Variants in SLC9A3 observed in about 807,000 individuals in gnomAD.
SLC9A3 encodes sodium/hydrogen exchanger 3.
Under a neutral mutation model 86.8 loss-of-function variants are expected in SLC9A3, and 37 were observed. The observed-to-expected ratio is 0.43, with a 90% confidence interval of 0.33 to 0.56. The LOEUF (loss-of-function observed/expected upper bound fraction) is 0.56. Among genes scored for constraint, SLC9A3 ranks in the 20% least tolerant of loss-of-function variants. The probability of loss-of-function intolerance (pLI) is 0.06; values close to 1 mark genes in which losing one functional copy is unlikely to be tolerated. For synonymous variants in SLC9A3, 581 were observed against 528.3 expected (o/e 1.10, Z -1.37); for missense variants, 1,011 against 1,171.9 (o/e 0.86, Z 2.00).
intron 14 of SLC9A3, 73 bp downstream of exon 14, chr5:475,947 C>T: frequency 1.5e-6 from 2 of 1,324,302 alleles, no homozygotes; most frequent in Non-Finnish European, 2.1e-6. Context: ...AGGGGAGGTT[C>T]CCGAGCCGGG....
intron 1 of SLC9A3, among the ~76,000 whole-genome samples, chr5:504,984 A>G (rs1740480770): frequency 6.6e-6 from 1 of 151,862 alleles, no homozygotes; most frequent in Non-Finnish European, 1.5e-5. Context: ...GCTGAGAAGC[A>G]GGGGCCAGCA....
Position 481,573 on chromosome 5 carries a change from G to C in SLC9A3, c.1509C>G (p.Leu503=), listed in dbSNP as rs371452813. The C allele has an allele frequency of 4.0e-5, 65 of 1,613,576 alleles. No homozygotes were observed. The highest frequency in any genetic ancestry group is 8.0e-5 in the African/African-American group (6 of 74,922). The change falls in exon 9 of 17, where the codon CTC becomes CTG. Residue 503 remains leucine, a synonymous_variant. Transcript: ENST00000264938. The part of the protein sequence containing the change: ...DISGQIGHNY[L]RDKWSHFDRK... ...CCGTCCCAGCCACTTACTTGTCTCT[G>C]AGATAATTGTGCCCGATCTGTCCGG...
intron 1 of SLC9A3, among the ~76,000 whole-genome samples, chr5:502,516 G>A (rs1334110409): frequency 2.0e-5 from 3 of 152,212 alleles, no homozygotes; most frequent in Non-Finnish European, 4.4e-5. Context: ...CAACGTCCTG[G>A]GGCAACGGAA....
intron 1 of SLC9A3, among the ~76,000 whole-genome samples, chr5:504,534 C>T (rs1026027745): frequency 4.6e-5 from 7 of 152,186 alleles, no homozygotes; most frequent in African/African-American, 1.7e-4. Flanking sequence ...GACCTTCAGA[C>T]CACACAGCAA....
chr5:482,480 G>T (rs542782416), intron 7 of SLC9A3, 68 bp downstream of exon 7: 2 of 1,321,022 alleles, frequency 1.5e-6, no homozygotes, highest in African/African-American at 1.5e-5. Flanking sequence ...TGCTTGTCCT[G>T]AAGTGCGGGC....
intron 11 of SLC9A3, chr5:477,094 A>C: frequency 3.9e-6 from 2 of 516,550 alleles, no homozygotes; most frequent in South Asian, 2.8e-5. Context: ...CAAACACGTC[A>C]GGCCTGGCCC....
At chr5:514,262 C>G (rs559700208) in intron 1 of SLC9A3, among the ~76,000 whole-genome samples, 5 of 152,260 alleles carry the variant, frequency 3.3e-5, no homozygotes, top group African/African-American at 1.2e-4. Flanking sequence ...GGTTCCAAGA[C>G]GCTTCACACA....
chr5:472,616 A>G lies in SLC9A3; in HGVS notation c.*763T>C. The G allele has an allele frequency of 4.7e-6, 2 of 421,374 alleles. No individual in the cohort carries two copies. Among genetic ancestry groups the G allele is most frequent in the Non-Finnish European group, 4.7e-6 (1 of 211,664 alleles). 26.1% of individuals were successfully genotyped at this position (421,374 alleles called of 1,614,324 possible). A position where few individuals can be genotyped will look rare whatever the true frequency, so the allele number is the denominator to read the frequency against. On this transcript the variant is annotated 3_prime_UTR_variant, in exon 17 of 17. Transcript: ENST00000264938. ...AACCTGGGGGGGAAACGGGGCAGGTACTGGCTTTAGGAGTCTAAATCCCCA... is the reference window on the plus strand; with the variant it reads ...AACCTGGGGGGGAAACGGGGCAGGTGCTGGCTTTAGGAGTCTAAATCCCCA...
In SLC9A3 at chr5:488,620, G is replaced by A. The variant is rs771021496; in HGVS notation, c.515-144C>T. 26 of 806,062 alleles carry A rather than the reference G, an allele frequency of 3.2e-5. No individual in the cohort carries two copies. In the East Asian group the frequency reaches 3.5e-4, roughly 11 times the overall value. The allele number at this position is 806,062 out of a possible 1,614,324, so 49.9% of individuals were successfully genotyped here. A position where few individuals can be genotyped will look rare whatever the true frequency, so the allele number is the denominator to read the frequency against. Reference sequence around the variant, plus strand: ...GTGGGGAGCTGGGTCAGCTTCCTGCGTCCCTCCCACAGACCCCCAGCCCCC... The same window carrying A: ...GTGGGGAGCTGGGTCAGCTTCCTGCATCCCTCCCACAGACCCCCAGCCCCC... On this transcript the variant is annotated intron_variant, in intron 2 of 16. Coordinates refer to ENST00000264938, the MANE Select transcript of SLC9A3 (RefSeq NM_004174.4).
At chr5:508,641 G>T in intron 1 of SLC9A3, among the ~76,000 whole-genome samples, 1 of 149,560 alleles carries the variant, frequency 6.7e-6, no homozygotes, top group South Asian at 2.2e-4. Context: ...ATGCCGCGGG[G>T]AGACACAGCC....
At chr5:503,486 G>T (rs937025564) in intron 1 of SLC9A3, among the ~76,000 whole-genome samples, 2 of 152,238 alleles carry the variant, frequency 1.3e-5, no homozygotes, top group Non-Finnish European at 2.9e-5. Flanking sequence ...CTGCACCCCA[G>T]TCTGGGTGAC....
intron 1 of SLC9A3, among the ~76,000 whole-genome samples, chr5:511,720 C>T (rs1427253279): frequency 1.3e-5 from 2 of 152,256 alleles, no homozygotes; most frequent in Non-Finnish European, 2.9e-5. Flanking sequence ...ACTTGGAAGA[C>T]AGCGTGGCAG....
chr5:473,313 G>A lies in SLC9A3; in HGVS notation c.*66C>T. ...GATCTGGGGTTTCTCTGGGACAGCG[G>A]CGGCGGCGGTGGGCGGACCGTGGCG... On this transcript the variant is annotated 3_prime_UTR_variant, in exon 17 of 17. Coordinates refer to ENST00000264938, the MANE Select transcript of SLC9A3 (RefSeq NM_004174.4). The A allele has an allele frequency of 7.2e-7, 1 of 1,380,146 alleles. No individual in the cohort carries two copies. The highest frequency in any genetic ancestry group is 3.1e-5 in the Admixed American group (1 of 32,314). The allele number at this position is 1,380,146 out of a possible 1,614,324, so 85.5% of individuals were successfully genotyped here.
At chr5:504,170 G>A (rs1007684700) in intron 1 of SLC9A3, among the ~76,000 whole-genome samples, 3 of 152,244 alleles carry the variant, frequency 2.0e-5, no homozygotes, top group Non-Finnish European at 2.9e-5. Context: ...AGGAGACAGC[G>A]TCCTATATGA....
chr5:473,384 T>A lies in SLC9A3; in HGVS notation c.2502-2A>T. 1.4e-6 allele frequency: 2 copies of A among 1,410,972 alleles called. No homozygotes were observed. Among genetic ancestry groups the A allele is most frequent in the Admixed American group, 2.6e-5 (1 of 38,374 alleles). 87.4% of individuals were successfully genotyped at this position (1,410,972 alleles called of 1,614,324 possible). Reference sequence around the variant, plus strand: ...GCGGCGTGTCGGAGCCGGTGTCACCTGCGGGAGAGGAAGGCGTGAGCGGCG... The same window carrying A: ...GCGGCGTGTCGGAGCCGGTGTCACCAGCGGGAGAGGAAGGCGTGAGCGGCG... On this transcript the variant is annotated splice_acceptor_variant, in intron 16 of 16. Transcript: ENST00000264938. LOFTEE classifies it high-confidence loss of function.
At chr5:516,609 G>T (rs181604913) in intron 1 of SLC9A3, among the ~76,000 whole-genome samples, 9 of 152,292 alleles carry the variant, frequency 5.9e-5, no homozygotes, top group Admixed American at 5.9e-4. Context: ...TATAGCTAAG[G>T]CATAGCTAAG....
intron 2 of SLC9A3, among the ~76,000 whole-genome samples, chr5:490,516 C>T (rs547205854): frequency 9.8e-5 from 15 of 152,334 alleles, no homozygotes; most frequent in South Asian, 2.1e-4. Context: ...ACCATTGTGA[C>T]GTGGCCACAG....
At chr5:481,144 T>C (rs1394690533) in intron 9 of SLC9A3, among the ~76,000 whole-genome samples, 2 of 152,172 alleles carry the variant, frequency 1.3e-5, no homozygotes, top group Non-Finnish European at 2.9e-5. Flanking sequence ...ACCACCTCAG[T>C]CTCCCAAAGT....
Position 473,275 on chromosome 5 carries a change from G to C in SLC9A3, c.*104C>G. On this transcript the variant is annotated 3_prime_UTR_variant, in exon 17 of 17. Transcript: ENST00000264938. ...GCGGGGCTCGGGGCTCGCGGTCGCT[G>C]TAGCCGCGCGGGGATCTGGGGTTTC... 8.1e-7 allele frequency: 1 copy of C among 1,228,582 alleles called. No individual in the cohort carries two copies. Among genetic ancestry groups the C allele is most frequent in the African/African-American group, 1.6e-5 (1 of 62,672 alleles). 76.1% of individuals were successfully genotyped at this position (1,228,582 alleles called of 1,614,324 possible).
Sources: gnomAD v4.1 joint callset for allele counts (sites outside exome capture counted in the v4.1 genomes callset) on GRCh38, gnomAD v4.1.1 for gene constraint, MANE v1.5 for transcripts, NCBI Gene and HGNC (gene_info 2026-07-23, HGNC 2026-07-21) for gene names.